DAW1: variants seen among roughly 807,000 people sequenced by gnomAD.
DAW1 encodes dynein assembly factor with WD repeats 1.
DAW1 carries 47 observed loss-of-function variants against 56.5 expected under a neutral mutation model. The ratio of observed to expected loss-of-function variants is 0.83; its 90% CI spans 0.66 to 1.06. The LOEUF (loss-of-function observed/expected upper bound fraction) is 1.06, where lower values mean the gene tolerates loss of function less well. Ranked by LOEUF, DAW1 falls within the 50% of genes least tolerant of loss-of-function variation. The pLI is 0.00. For missense variants in DAW1, 505 were observed against 499.3 expected, an observed-to-expected ratio of 1.01 and a Z score of -0.11; for synonymous variants, 190 against 179.0, an observed-to-expected ratio of 1.06 and a Z score of -0.49.
chr2:227,876,443 T>C (rs1466604572), intron 1 of DAW1: 2 of 1,303,098 alleles, frequency 1.5e-6, no homozygotes, highest in Non-Finnish European at 2.0e-6. Context: ...TGAATTCCAG[T>C]CTTTGGTGAG....
intron 1 of DAW1, among the ~76,000 whole-genome samples, 160 bp downstream of exon 1, chr2:227,871,889 A>G (rs1185719781): frequency 6.6e-6 from 1 of 152,192 alleles, no homozygotes; most frequent in Non-Finnish European, 1.5e-5. Context: ...ATTCCTTCAG[A>G]TGCTGGACTC....
At chr2:227,912,728 A>G (rs112170088) in intron 10 of DAW1, among the ~76,000 whole-genome samples, 28 of 152,262 alleles carry the variant, frequency 1.8e-4, no homozygotes, top group African/African-American at 6.5e-4. Flanking sequence ...ATCATGTAGG[A>G]TGGCATATTC....
At chr2:227,908,970 T>C (rs1691752404) in intron 10 of DAW1, among the ~76,000 whole-genome samples, 1 of 152,242 alleles carries the variant, frequency 6.6e-6, no homozygotes. Context: ...ATCTATCTGA[T>C]GACCACATAT....
chr2:227,882,886 G>T (rs758449949), intron 1 of DAW1, among the ~76,000 whole-genome samples: 7 of 152,090 alleles, frequency 4.6e-5, no homozygotes, highest in Non-Finnish European at 1.0e-4. Flanking sequence ...CACCATGATT[G>T]TAAGTTTCCT....
intron 1 of DAW1, among the ~76,000 whole-genome samples, chr2:227,883,724 T>C (rs114351648): frequency 2.0e-3 from 298 of 152,326 alleles, no homozygotes; most frequent in African/African-American, 6.8e-3. Flanking sequence ...GAATCCATTG[T>C]CTTAAGCCAG....
intron 1 of DAW1, among the ~76,000 whole-genome samples, chr2:227,881,302 A>G (rs1420755926): frequency 1.3e-5 from 2 of 152,216 alleles, no homozygotes; most frequent in African/African-American, 2.4e-5. Context: ...GGCACTGCTG[A>G]TAGAGAAATG....
intron 12 of DAW1, among the ~76,000 whole-genome samples, chr2:227,922,409 A>C (rs1692131479): frequency 6.6e-6 from 1 of 152,222 alleles, no homozygotes; most frequent in Admixed American, 6.5e-5. Flanking sequence ...AAAGGGGAGA[A>C]AAATGACAAG....
chr2:227,886,867 A>G (rs1691143388), intron 2 of DAW1, among the ~76,000 whole-genome samples: 1 of 152,274 alleles, frequency 6.6e-6, no homozygotes, highest in South Asian at 2.1e-4. Context: ...GCCTAAGTTC[A>G]GATAAGGTGA....
intron 1 of DAW1, among the ~76,000 whole-genome samples, chr2:227,872,588 C>T (rs990942339): frequency 6.6e-6 from 1 of 152,144 alleles, no homozygotes; most frequent in Non-Finnish European, 1.5e-5. Context: ...CTTCCTCAAA[C>T]TGTGCCCTGC....
intron 10 of DAW1, among the ~76,000 whole-genome samples, chr2:227,908,566 A>G (rs929599183): frequency 3.3e-5 from 5 of 152,150 alleles, no homozygotes; most frequent in African/African-American, 1.2e-4. Flanking sequence ...ATATGTGATG[A>G]TTCATTGTGT....
intron 1 of DAW1, among the ~76,000 whole-genome samples, chr2:227,874,789 C>T (rs567434536): frequency 2.6e-5 from 4 of 151,958 alleles, no homozygotes; most frequent in South Asian, 4.2e-4. Flanking sequence ...GGTGAAACCC[C>T]GTCTCTACTA....
chr2:227,921,214 C>G (rs1692098153), intron 11 of DAW1, among the ~76,000 whole-genome samples, 185 bp from the exon 12 acceptor site: 1 of 150,642 alleles, frequency 6.6e-6, no homozygotes, highest in Admixed American at 6.6e-5. Context: ...TTTCCATGTA[C>G]TAGTCCCTGC....
chr2:227,890,111 T>A, intron 3 of DAW1, 111 bp downstream of exon 3: 1 of 1,081,070 alleles, frequency 9.3e-7, no homozygotes, highest in Non-Finnish European at 1.3e-6. Flanking sequence ...TGTCAGTGAT[T>A]GATTGTAGTG....
At position 227,871,747 on chromosome 2, in the gene DAW1, C is replaced by T. The variant is rs763380091; in HGVS notation, c.40+18C>T. On this transcript the variant is annotated intron_variant, in intron 1 of 12. Transcript: ENST00000309931. ...CCCGCCAGGTACGCACCAGCCCGGC[C>T]CCGTCATCCCCACGTGGGACCCTGG... 12 of 1,613,538 alleles carry T rather than the reference C, an allele frequency of 7.4e-6. No homozygotes were observed. Among genetic ancestry groups the T allele is most frequent in the East Asian group, 2.2e-5 (1 of 44,864 alleles).
chr2:227,872,572 C>T (rs1452744770), intron 1 of DAW1, among the ~76,000 whole-genome samples: 3 of 152,122 alleles, frequency 2.0e-5, no homozygotes, highest in Non-Finnish European at 4.4e-5. Context: ...CATCCCAATC[C>T]TGCTGCTTCC....
chr2:227,920,522 G>GGGA (rs1244210443), intron 11 of DAW1, among the ~76,000 whole-genome samples: 2 of 152,170 alleles, frequency 1.3e-5, no homozygotes, highest in Non-Finnish European at 2.9e-5. Context: ...CCTGGCACAC[G>GGGA]GGAGGCACAG....
intron 10 of DAW1, among the ~76,000 whole-genome samples, chr2:227,908,439 G>T (rs1301757744): frequency 2.0e-5 from 3 of 152,118 alleles, no homozygotes; most frequent in Non-Finnish European, 4.4e-5. Flanking sequence ...ACGACCATCT[G>T]TGTTGGTGTA....
chr2:227,905,607 A>G (rs912666079), intron 8 of DAW1, among the ~76,000 whole-genome samples: 3 of 152,246 alleles, frequency 2.0e-5, no homozygotes, highest in African/African-American at 7.2e-5. Flanking sequence ...GTAGTTTCTG[A>G]ACAACCAGGG....
chr2:227,912,264 G>T, intron 10 of DAW1: 3 of 621,138 alleles, frequency 4.8e-6, no homozygotes, highest in Non-Finnish European at 8.0e-6. Context: ...ATGGAGTCTC[G>T]CTCTGTCGCC....
Sources: allele counts gnomAD v4.1 joint callset (sites outside exome capture counted in the v4.1 genomes callset), GRCh38; gene constraint gnomAD v4.1.1; transcripts MANE v1.5; gene names NCBI Gene and HGNC (gene_info 2026-07-23, HGNC 2026-07-21).